AKAP19: variants seen among roughly 807,000 people sequenced by gnomAD.
AKAP19 encodes the protein small A-kinase anchoring protein.
the AKAP19 span, among the ~76,000 whole-genome samples, chr2:189,972,248 C>T: frequency 1.3e-5 from 2 of 152,132 alleles, no homozygotes; most frequent in African/African-American, 4.8e-5. Flanking sequence ...AATCCTTTCC[C>T]CTTTTCTTGT....
the AKAP19 span, among the ~76,000 whole-genome samples, chr2:190,076,238 G>A: frequency 6.6e-6 from 1 of 152,088 alleles, no homozygotes; most frequent in Admixed American, 6.6e-5. Flanking sequence ...TCTTTATTGT[G>A]GGGGGTTATG....
the AKAP19 span, chr2:190,091,084 C>A: frequency 6.6e-6 from 1 of 152,170 alleles, no homozygotes; most frequent in Non-Finnish European, 1.5e-5. Context: ...AATAGAAGAA[C>A]CATCCACACA....
the AKAP19 span, among the ~76,000 whole-genome samples, chr2:189,995,764 G>C: frequency 3.3e-5 from 5 of 151,928 alleles, no homozygotes; most frequent in African/African-American, 4.8e-5. Context: ...TGTATTTCAA[G>C]GTTTTGTTTC....
At chr2:190,139,629 A>T in the AKAP19 span, among the ~76,000 whole-genome samples, 1 of 152,166 alleles carries the variant, frequency 6.6e-6, no homozygotes, top group African/African-American at 2.4e-5. Context: ...AAAGCTCCTT[A>T]TAAAACCATC....
At chr2:190,088,542 G>C in the AKAP19 span, among the ~76,000 whole-genome samples, 4,037 of 152,240 alleles carry the variant, frequency 0.027, 178 homozygotes, top group African/African-American at 0.092. Context: ...AGGTAACCTA[G>C]TGAAGGACAG....
At chr2:189,899,252 T>TAAGCTAGTAAATA in the AKAP19 span, among the ~76,000 whole-genome samples, 1 of 152,200 alleles carries the variant, frequency 6.6e-6, no homozygotes, top group Admixed American at 6.5e-5. Context: ...AAGCTAGTTA[T>TAAGCTAGTAAATA]TGTTCTGGGC....
the AKAP19 span, among the ~76,000 whole-genome samples, chr2:190,170,755 T>C: frequency 0.14 from 20,826 of 152,192 alleles, 1,534 homozygotes; most frequent in African/African-American, 0.18. Context: ...GATGATGTAT[T>C]GTGGTAAAGA....
the AKAP19 span, among the ~76,000 whole-genome samples, chr2:190,115,626 A>G: frequency 1.3e-5 from 2 of 151,720 alleles, no homozygotes; most frequent in African/African-American, 4.8e-5. Context: ...GCCAAGAAGC[A>G]TATATTTTAA....
chr2:189,923,627 A>G, the AKAP19 span: 1 of 1,614,140 alleles, frequency 6.2e-7, no homozygotes, highest in Non-Finnish European at 8.5e-7. Context: ...AGCAGGTGTG[A>G]AACGATCTGC....
the AKAP19 span, among the ~76,000 whole-genome samples, chr2:190,029,962 A>G: frequency 6.6e-6 from 1 of 152,212 alleles, no homozygotes; most frequent in Non-Finnish European, 1.5e-5. Context: ...TCTGTATTAT[A>G]TGATTTTTAT....
the AKAP19 span, among the ~76,000 whole-genome samples, chr2:190,083,057 A>AT: frequency 6.6e-6 from 1 of 152,162 alleles, no homozygotes; most frequent in African/African-American, 2.4e-5. Context: ...TCACATATTT[A>AT]TTTTTTGTGC....
the AKAP19 span, among the ~76,000 whole-genome samples, chr2:190,072,923 TA>T: frequency 6.6e-6 from 1 of 152,070 alleles, no homozygotes; most frequent in African/African-American, 2.4e-5. Flanking sequence ...CTCTTTAACT[TA>T]AAAAGTTAGA....
the AKAP19 span, among the ~76,000 whole-genome samples, chr2:190,118,010 T>G: frequency 6.6e-6 from 1 of 151,834 alleles, no homozygotes; most frequent in South Asian, 2.1e-4. Context: ...ATCAAATAGA[T>G]GCAATAAAAA....
chr2:190,027,144 T>C, the AKAP19 span, among the ~76,000 whole-genome samples: 34 of 152,200 alleles, frequency 2.2e-4, no homozygotes, highest in African/African-American at 7.5e-4. Context: ...GCATTAACTT[T>C]ATACCCAACA....
the AKAP19 span, among the ~76,000 whole-genome samples, chr2:190,194,313 A>G: frequency 1.3e-5 from 2 of 152,270 alleles, no homozygotes; most frequent in East Asian, 3.9e-4. Flanking sequence ...TAATGTTTTA[A>G]GTCTCCAGCT....
chr2:189,931,601 A>G, the AKAP19 span, among the ~76,000 whole-genome samples: 1 of 151,918 alleles, frequency 6.6e-6, no homozygotes, highest in Non-Finnish European at 1.5e-5. Context: ...CCTGTCCTCA[A>G]GTGATCCTCC....
the AKAP19 span, among the ~76,000 whole-genome samples, chr2:190,059,732 A>T: frequency 6.6e-6 from 1 of 151,966 alleles, no homozygotes; most frequent in African/African-American, 2.4e-5. Flanking sequence ...CACTATATAG[A>T]GTTAATATTT....
the AKAP19 span, among the ~76,000 whole-genome samples, chr2:189,956,474 G>A: frequency 6.6e-6 from 1 of 152,046 alleles, no homozygotes; most frequent in African/African-American, 2.4e-5. Flanking sequence ...CGGCCTACTA[G>A]TATATTTTCA....
At chr2:190,116,588 A>G in the AKAP19 span, among the ~76,000 whole-genome samples, 10 of 152,066 alleles carry the variant, frequency 6.6e-5, no homozygotes, top group Admixed American at 2.0e-4. Context: ...CCTCCCCTCC[A>G]TCCTCACCGC....
Sources: allele counts gnomAD v4.1 joint callset (sites outside exome capture counted in the v4.1 genomes callset), GRCh38; gene constraint gnomAD v4.1.1; transcripts MANE v1.5; gene names NCBI Gene and HGNC (gene_info 2026-07-23, HGNC 2026-07-21).